Variants in HYOU1 observed in about 807,000 individuals in gnomAD.
HYOU1 encodes the protein hypoxia up-regulated protein 1.
HYOU1 carries 40 observed loss-of-function variants against 120.5 expected under a neutral mutation model. The ratio of observed to expected loss-of-function variants is 0.33; its 90% CI spans 0.26 to 0.43. The LOEUF (loss-of-function observed/expected upper bound fraction) is 0.43, where lower values mean the gene tolerates loss of function less well. HYOU1 is among the 20% of genes least tolerant of loss of function. The pLI, the probability that HYOU1 is intolerant of heterozygous loss-of-function variation, is 1.00. For missense variants in HYOU1, 1,085 were observed against 1,278.3 expected, an observed-to-expected ratio of 0.85 and a Z score of 2.31; for synonymous variants, 501 against 479.4, an observed-to-expected ratio of 1.05 and a Z score of -0.59.
rs1943978706 is a variant in HYOU1, at chr11:119,044,885, T to G, written c.*708A>C. On this transcript the variant is annotated 3_prime_UTR_variant, in exon 26 of 26. Coordinates refer to ENST00000617285, the MANE Select transcript of HYOU1 (RefSeq NM_006389.5). ...AGAGGTGGTGGGCTCCCTTCTTCAC[T>G]GTGCCCCTCCCTCCTCTGGCCACTA... is the stretch of plus-strand genomic sequence containing the variant. The G allele has an allele frequency of 1.0e-5, 3 of 294,172 alleles. No individual in the cohort carries two copies. The highest frequency in any genetic ancestry group is 2.1e-5 in the Non-Finnish European group (3 of 141,416). The allele number at this position is 294,172 out of a possible 1,614,324, so 18.2% of individuals were successfully genotyped here. A position where few individuals can be genotyped will look rare whatever the true frequency, so the allele number is the denominator to read the frequency against.
intron 1 of HYOU1, chr11:119,056,526 G>A (rs1944778070): frequency 3.7e-5 from 14 of 381,454 alleles, no homozygotes; most frequent in South Asian, 2.8e-4. Context: ...TGCGGCCAGG[G>A]ATCCCCGCCC....
Position 119,048,117 on chromosome 11 carries a change from A to G in HYOU1, c.2377-37T>C. ...GCGATTGGGCAGAGGGGTGGAAGGG[A>G]CGACAGCAGAGCCTGGAGTCAGCCC... On this transcript the variant is annotated intron_variant, in intron 20 of 25. Transcript: ENST00000617285. This position sits in a 1 kb window ranked among gnomAD's most constrained non-coding sequence, Gnocchi z 4.7. The G allele has an allele frequency of 6.2e-7, 1 of 1,613,218 alleles. No individual in the cohort carries two copies. Among genetic ancestry groups the G allele is most frequent in the East Asian group, 2.2e-5 (1 of 44,882 alleles).
At chr11:119,054,945 G>A in intron 6 of HYOU1, 39 bp downstream of exon 6, 1 of 1,587,560 alleles carries the variant, frequency 6.3e-7, no homozygotes, top group Non-Finnish European at 8.6e-7. Flanking sequence ...CCTAGATCCT[G>A]GGGAGCCTGG....
intron 1 of HYOU1, 122 bp from the exon 2 acceptor site, chr11:119,056,289 T>G (rs2134712030): frequency 1.3e-6 from 1 of 745,070 alleles, no homozygotes; most frequent in Non-Finnish European, 2.4e-6. Context: ...CCAGGGCAGA[T>G]CAGCCTACTT....
rs782310949 is a variant in HYOU1 at position 119,045,555 on chromosome 11, A to G, written c.*38T>C. 3 of 1,521,776 alleles carry G rather than the reference A, an allele frequency of 2.0e-6. No individual in the cohort carries two copies. In the Admixed American group the frequency reaches 5.0e-5, roughly 25 times the overall value. 94.3% of individuals were successfully genotyped at this position (1,521,776 alleles called of 1,614,324 possible). A position where few individuals can be genotyped will look rare whatever the true frequency, so the allele number is the denominator to read the frequency against. ...GTTAAATAAATAGAAGTGGTGGGGGAAGGGGGTGGAGATGAATGGGGAAAA... is the reference window on the plus strand; with the variant it reads ...GTTAAATAAATAGAAGTGGTGGGGGGAGGGGGTGGAGATGAATGGGGAAAA... On this transcript the variant is annotated 3_prime_UTR_variant, in exon 26 of 26. Transcript: ENST00000617285.
Position 119,047,762 on chromosome 11 carries a change from G to A in HYOU1, c.2567C>T (p.Thr856Met), listed in dbSNP as rs2133558053. The stretch of plus-strand genomic sequence containing the variant: ...GGTCTCATTGATGACTTTCTCTAAC[G>A]TTGTCATCTCCACCTCAGTGAAGAT... Reference protein sequence around the residue: ...DQIFTEVEMTTLEKVINETWA... With the variant: ...DQIFTEVEMTMLEKVINETWA... Residue 856 changes from threonine (T) to methionine (M), a missense_variant, in exon 22 of 26, where the codon ACG (threonine) becomes ATG (methionine). Thr to Met is a moderately conservative substitution (Grantham distance 81, BLOSUM62 -1). Coordinates refer to ENST00000617285, the MANE Select transcript of HYOU1 (RefSeq NM_006389.5). 6.2e-6 allele frequency: 10 copies of A among 1,613,972 alleles called. No individual in the cohort carries two copies. Among genetic ancestry groups the A allele is most frequent in the Admixed American group, 5.0e-5 (3 of 60,014 alleles).
chr11:119,052,849 G>A lies in HYOU1; in HGVS notation c.795-20C>T. The A allele has an allele frequency of 6.3e-7, 1 of 1,599,848 alleles. No homozygotes were observed. The highest frequency in any genetic ancestry group is 8.5e-7 in the Non-Finnish European group (1 of 1,173,178). On this transcript the variant is annotated intron_variant, in intron 8 of 25. Coordinates refer to ENST00000617285, the MANE Select transcript of HYOU1 (RefSeq NM_006389.5). This position sits in a 1 kb window ranked among gnomAD's most constrained non-coding sequence, Gnocchi z 5.0. ...TCAAATCTGTTGAGAAAAGGGAGCA[G>A]GGAAAAAAGTGAAGAACACATGGAG...
In HYOU1 at chr11:119,054,228, C is replaced by T. The variant is rs2133603562; in HGVS notation, c.687G>A (p.Met229Ile). The T allele has an allele frequency of 6.8e-6, 11 of 1,612,614 alleles. No homozygotes were observed. The South Asian group carries it at 7.7e-5, about 11-fold the overall frequency. The change falls in exon 8 of 26, where the codon ATG becomes ATA. Residue 229 changes from methionine to isoleucine, a missense_variant. Met to Ile is a conservative substitution (Grantham distance 10). Coordinates refer to ENST00000617285, the MANE Select transcript of HYOU1 (RefSeq NM_006389.5). The stretch of plus-strand genomic sequence containing the variant: ...TGCTGCCTGAGCCCATGTCATAGAA[C>T]ATGATATTCTGTAGAGATATCAAGG... ...KDINTTAQNIMFYDMGSGSTV... is the reference protein window; with the variant it reads ...KDINTTAQNIIFYDMGSGSTV...
intron 22 of HYOU1, 134 bp from the exon 23 acceptor site, chr11:119,046,936 AG>A (rs2134678221): frequency 8.8e-7 from 1 of 1,139,992 alleles, no homozygotes; most frequent in East Asian, 2.4e-5. Context: ...CTCAGCCCCA[AG>A]AGGCTAACAG....
In HYOU1 at chr11:119,049,173, T is replaced by C; in HGVS notation, c.1837A>G (p.Lys613Glu). The change falls in exon 17 of 26, where the codon AAG becomes GAG. Residue 613 changes from lysine to glutamate, a missense_variant. Physicochemically the swap from Lys to Glu is moderately conservative, Grantham distance 56. This residue lies in a region of HYOU1 where 516 missense variants were observed against 517.1 expected (regional missense o/e 1.00). Transcript: ENST00000617285. ...TCCACCTGCTCCCCAGGCTCGTCCT[T>C]GCTCCCCTCTGCAGGGCTCTCCTCT... The part of the protein sequence containing the change: ...EEEESPAEGS[K>E]DEPGEQVELK... The C allele has an allele frequency of 6.2e-7, 1 of 1,608,478 alleles. No individual in the cohort carries two copies. The highest frequency in any genetic ancestry group is 8.5e-7 in the Non-Finnish European group (1 of 1,177,078).
At position 119,052,279 on chromosome 11, in the gene HYOU1, T is replaced by C; in HGVS notation, c.1122+16A>G. 6.2e-7 allele frequency: 1 copy of C among 1,614,116 alleles called. No individual in the cohort carries two copies. Among genetic ancestry groups the C allele is most frequent in the South Asian group, 1.1e-5 (1 of 91,080 alleles). On this transcript the variant is annotated intron_variant, in intron 10 of 25. Transcript: ENST00000617285. The surrounding 1 kb of genome is among the most constrained non-coding windows in gnomAD (Gnocchi z 5.0). ...CCTTTCCTACGGGGCATTCCCGCCT[T>C]CCCCTACTCGCTCACCAGACTCATT...
At chr11:119,053,950 A>G in intron 8 of HYOU1, 171 bp downstream of exon 8, 1 of 559,368 alleles carries the variant, frequency 1.8e-6, no homozygotes, top group Non-Finnish European at 3.2e-6. Context: ...TCCTCCCCTG[A>G]GCCTCAGCTT....
rs2133554406 is a variant in HYOU1, at chr11:119,046,936, A to T, written c.2596-134T>A. The stretch of plus-strand genomic sequence containing the variant: ...ACTGCCACCCCTGGCCTCAGCCCCA[A>T]GAGGCTAACAGACTCCTCAGAAGGG... On this transcript the variant is annotated intron_variant, in intron 22 of 25. Coordinates refer to ENST00000617285, the MANE Select transcript of HYOU1 (RefSeq NM_006389.5). 4.8e-5 allele frequency: 55 copies of T among 1,139,874 alleles called. No individual in the cohort carries two copies. In the African/African-American group the frequency reaches 7.6e-4, roughly 16 times the overall value. 70.6% of individuals were successfully genotyped at this position (1,139,874 alleles called of 1,614,324 possible). A position where few individuals can be genotyped will look rare whatever the true frequency, so the allele number is the denominator to read the frequency against.
In HYOU1 at chr11:119,053,019, C is replaced by T. The variant is rs2133597129; in HGVS notation, c.795-190G>A. 1.1e-4 allele frequency: 60 copies of T among 558,486 alleles called. No individual in the cohort carries two copies. The South Asian group carries it at 1.4e-3, about 13-fold the overall frequency. 34.6% of individuals were successfully genotyped at this position (558,486 alleles called of 1,614,324 possible). On this transcript the variant is annotated intron_variant, in intron 8 of 25. Transcript: ENST00000617285. ...GCACAGCTGACACCTCGCAGTGACC[C>T]TTCTTCCACTCATTCATTCGACAGT...
intron 22 of HYOU1, 106 bp from the exon 23 acceptor site, chr11:119,046,908 A>G: frequency 7.0e-7 from 1 of 1,429,986 alleles, no homozygotes; most frequent in Non-Finnish European, 9.5e-7. Context: ...CAGACTGCAA[A>G]TCACTGCCAC....
At chr11:119,054,330 C>CTT (rs1174681873) in intron 7 of HYOU1, 94 bp from the exon 8 acceptor site, 3 of 1,239,932 alleles carry the variant, frequency 2.4e-6, no homozygotes, top group Non-Finnish European at 3.5e-6. Context: ...CTGTCTGACT[C>CTT]TTAACACAAA....
At position 119,044,317 on chromosome 11, in the gene HYOU1, G is replaced by C. The variant is rs1943950628; in HGVS notation, c.*1276C>G. 6.6e-6 allele frequency: 1 copy of C among 151,070 alleles called. No individual in the cohort carries two copies. Among genetic ancestry groups the C allele is most frequent in the African/African-American group, 2.4e-5 (1 of 40,980 alleles). 9.4% of individuals were successfully genotyped at this position (151,070 alleles called of 1,614,324 possible). A position where few individuals can be genotyped will look rare whatever the true frequency, so the allele number is the denominator to read the frequency against. ...TCAAACATACAGAAGAGGTGGGGGT[G>C]GGGTGAGGGGTGGGACCCTTAGGTC... is the stretch of plus-strand genomic sequence containing the variant. On this transcript the variant is annotated 3_prime_UTR_variant, in exon 26 of 26. Transcript: ENST00000617285.
At position 119,046,452 on chromosome 11, in the gene HYOU1, G is replaced by A. The variant is rs1043123190; in HGVS notation, c.2852C>T (p.Ala951Val). 4 of 1,614,126 alleles carry A rather than the reference G, an allele frequency of 2.5e-6. No individual in the cohort carries two copies. The highest frequency in any genetic ancestry group is 3.4e-6 in the Non-Finnish European group (4 of 1,179,998). Residue 951 changes from alanine to valine, a missense_variant, in exon 24 of 26, where the codon GCA becomes GTA. Ala to Val is a moderately conservative substitution (Grantham distance 64). This residue lies in a region of HYOU1 where 516 missense variants were observed against 517.1 expected (regional missense o/e 1.00). Transcript: ENST00000617285. Reference protein sequence around the residue: ...VIPPAGQTEDAEPISEPEKVE... With the variant: ...VIPPAGQTEDVEPISEPEKVE... The stretch of plus-strand genomic sequence containing the variant: ...TTTCTCAGGTTCTGAAATGGGCTCT[G>A]CATCTTCAGTCTGGCCTAGAAGGAA...
Position 119,048,489 on chromosome 11 carries a change from A to G in HYOU1, c.2240T>C (p.Ile747Thr), listed in dbSNP as rs2133564747. 9 of 1,613,780 alleles carry G rather than the reference A, an allele frequency of 5.6e-6. No individual in the cohort carries two copies. The highest frequency in any genetic ancestry group is 7.6e-6 in the Non-Finnish European group (9 of 1,179,946). ...EKAANSLEAF[I>T]FETQDKLYQP... Reference sequence around the variant, plus strand: ...CTGCCCACTGACCTGGGTCTCAAATATGAATGCTTCCAAGCTGTTGGCAGC... The same window carrying G: ...CTGCCCACTGACCTGGGTCTCAAATGTGAATGCTTCCAAGCTGTTGGCAGC... Residue 747 changes from isoleucine to threonine, a missense_variant, in exon 19 of 26, where the codon ATA becomes ACA. Physicochemically the swap from Ile to Thr is moderately conservative, Grantham distance 89. Coordinates refer to ENST00000617285, the MANE Select transcript of HYOU1 (RefSeq NM_006389.5). The surrounding 1 kb of genome is among the most constrained non-coding windows in gnomAD (Gnocchi z 4.7).
Sources: allele counts gnomAD v4.1 joint callset, GRCh38; gene constraint gnomAD v4.1.1; regional missense constraint gnomAD v4.1.1; non-coding constraint Gnocchi (gnomAD v3.1); transcripts MANE v1.5; gene names NCBI Gene and HGNC (gene_info 2026-07-23, HGNC 2026-07-21).